FOXO1: variants seen among roughly 807,000 people sequenced by gnomAD.
FOXO1 encodes the protein forkhead box O1, also known as forkhead box protein O1.
A neutral mutation model predicts 44.1 loss-of-function variants in FOXO1; 6 were observed. That is an observed-to-expected ratio of 0.14 (90% CI 0.07 to 0.27). FOXO1 has a LOEUF of 0.27. Ranked by LOEUF, FOXO1 falls within the 10% of genes least tolerant of loss-of-function variation. The pLI, the probability that FOXO1 is intolerant of heterozygous loss-of-function variation, is 1.00. For missense variants in FOXO1, 737 were observed against 888.8 expected, an observed-to-expected ratio of 0.83 and a Z score of 2.17; for synonymous variants, 380 against 362.7, an observed-to-expected ratio of 1.05 and a Z score of -0.54.
At chr13:40,597,872 G>A (rs1875641149) in intron 1 of FOXO1, among the ~76,000 whole-genome samples, 1 of 152,152 alleles carries the variant, frequency 6.6e-6, no homozygotes, top group Non-Finnish European at 1.5e-5. Context: ...TGTGTGTCCA[G>A]TACTTCAGTC....
At chr13:40,573,490 A>C (rs908311180) in intron 1 of FOXO1, among the ~76,000 whole-genome samples, 3 of 152,198 alleles carry the variant, frequency 2.0e-5, no homozygotes, top group African/African-American at 7.2e-5. Context: ...GTCAGGTAGG[A>C]AAAAAGGGAT....
intron 1 of FOXO1, among the ~76,000 whole-genome samples, chr13:40,609,717 A>C (rs1024231635): frequency 6.6e-6 from 1 of 151,422 alleles, no homozygotes; most frequent in Non-Finnish European, 1.5e-5. Context: ...GTGGGGGGGA[A>C]AAAAATTCCT....
chr13:40,644,654 G>A (rs781645835), intron 1 of FOXO1, among the ~76,000 whole-genome samples: 1 of 152,076 alleles, frequency 6.6e-6, no homozygotes, highest in African/African-American at 2.4e-5. Flanking sequence ...TACAATTCCC[G>A]GTTTGATTGG....
At chr13:40,575,919 G>A (rs762395929) in intron 1 of FOXO1, among the ~76,000 whole-genome samples, 4 of 152,228 alleles carry the variant, frequency 2.6e-5, no homozygotes, top group Non-Finnish European at 5.9e-5. Flanking sequence ...TTGAGGTAGG[G>A]CAGAGCATGA....
At chr13:40,601,848 C>A (rs893929993) in intron 1 of FOXO1, among the ~76,000 whole-genome samples, 1 of 152,086 alleles carries the variant, frequency 6.6e-6, no homozygotes, top group Admixed American at 6.6e-5. Context: ...CACCAAAGAT[C>A]CCAGTTCAGA....
At chr13:40,614,180 C>A (rs1469377651) in intron 1 of FOXO1, among the ~76,000 whole-genome samples, 1 of 152,208 alleles carries the variant, frequency 6.6e-6, no homozygotes. Flanking sequence ...CAAGTCCACC[C>A]GGCCAGGCCA....
chr13:40,661,004 C>CA (rs1208665776), intron 1 of FOXO1, among the ~76,000 whole-genome samples: 1 of 151,950 alleles, frequency 6.6e-6, no homozygotes, highest in Non-Finnish European at 1.5e-5. Context: ...GAGAATCATT[C>CA]AAAAAGAGGC....
At chr13:40,561,618 T>G (rs1204349779) in intron 1 of FOXO1, among the ~76,000 whole-genome samples, 1 of 151,966 alleles carries the variant, frequency 6.6e-6, no homozygotes, top group Admixed American at 6.6e-5. Flanking sequence ...AGTTTTATAT[T>G]ACTGGGCCCA....
chr13:40,629,211 C>T (rs1457431373), intron 1 of FOXO1, among the ~76,000 whole-genome samples: 3 of 151,610 alleles, frequency 2.0e-5, no homozygotes, highest in Non-Finnish European at 4.4e-5. Flanking sequence ...GGTGCAATCT[C>T]GGCCCACTGC....
intron 1 of FOXO1, among the ~76,000 whole-genome samples, chr13:40,595,334 T>C (rs1382527062): frequency 3.3e-5 from 5 of 152,284 alleles, no homozygotes; most frequent in Admixed American, 3.3e-4. Flanking sequence ...TAAAAATCAG[T>C]GCTTCTCATA....
chr13:40,639,384 T>C (rs1007897355), intron 1 of FOXO1, among the ~76,000 whole-genome samples: 8 of 151,804 alleles, frequency 5.3e-5, no homozygotes, highest in South Asian at 2.1e-4. Context: ...CGCCTGTCAG[T>C]AGTCCAGAGC....
intron 1 of FOXO1, among the ~76,000 whole-genome samples, chr13:40,654,322 T>TAAAAAA (rs11344939): frequency 0.012 from 556 of 48,108 alleles, 38 homozygotes; most frequent in African/African-American, 0.035. Flanking sequence ...CTAAAAATAC[T>TAAAAAA]AAAAAAAAAA....
chr13:40,617,436 A>C (rs1175626979), intron 1 of FOXO1, among the ~76,000 whole-genome samples: 1 of 144,188 alleles, frequency 6.9e-6, no homozygotes, highest in Admixed American at 6.9e-5. Context: ...ACTCCGTCTC[A>C]AAAAAAAAAA....
chr13:40,563,735 T>A (rs1874144145), intron 1 of FOXO1, among the ~76,000 whole-genome samples: 1 of 151,866 alleles, frequency 6.6e-6, no homozygotes, highest in Admixed American at 6.6e-5. Context: ...TCCCCTAAGA[T>A]CCCCAAATTC....
Position 40,666,148 on chromosome 13 carries a change from G to A in FOXO1, c.65C>T (p.Ser22Leu), listed in dbSNP as rs1878240564. 2 of 1,461,620 alleles carry A rather than the reference G, an allele frequency of 1.4e-6. No individual in the cohort carries two copies. The highest frequency in any genetic ancestry group is 1.8e-6 in the Non-Finnish European group (2 of 1,109,986). 90.5% of individuals were successfully genotyped at this position (1,461,620 alleles called of 1,614,324 possible). Reference protein sequence around the residue: ...PDFEPLPRPRSCTWPLPRPEF... With the variant: ...PDFEPLPRPRLCTWPLPRPEF... ...CGGCCTGGGCAGCGGCCAGGTGCAC[G>A]AGCGCGGCCGGGGCAGCGGCTCGAA... The change falls in exon 1 of 3, where the codon TCG becomes TTG. Residue 22 changes from serine to leucine, a missense_variant. Physicochemically the swap from Ser to Leu is moderately radical, Grantham distance 145 (BLOSUM62 -2). This residue lies in a region of FOXO1 where 213 missense variants were observed against 236.4 expected (regional missense o/e 0.90). Coordinates refer to ENST00000379561, the MANE Select transcript of FOXO1 (RefSeq NM_002015.4).
chr13:40,587,474 T>C (rs532797387), intron 1 of FOXO1, among the ~76,000 whole-genome samples: 6 of 152,192 alleles, frequency 3.9e-5, no homozygotes, highest in Non-Finnish European at 8.8e-5. Context: ...TAAAGATTTA[T>C]CTTAATTTCA....
intron 1 of FOXO1, among the ~76,000 whole-genome samples, chr13:40,596,286 C>T (rs1470861666): frequency 2.0e-5 from 3 of 152,128 alleles, no homozygotes; most frequent in African/African-American, 7.2e-5. Context: ...GGGTCTGTGA[C>T]CATAAAGCAG....
intron 1 of FOXO1, among the ~76,000 whole-genome samples, chr13:40,586,591 A>G (rs1875177259): frequency 6.6e-6 from 1 of 152,180 alleles, no homozygotes; most frequent in African/African-American, 2.4e-5. Flanking sequence ...AAGGTACCAA[A>G]TGGGAAATAG....
chr13:40,653,500 G>A (rs1476744414), intron 1 of FOXO1, among the ~76,000 whole-genome samples: 1 of 152,166 alleles, frequency 6.6e-6, no homozygotes, highest in African/African-American at 2.4e-5. Context: ...CCGAAACACT[G>A]AGGAGACAAA....
Sources: allele counts gnomAD v4.1 joint callset (sites outside exome capture counted in the v4.1 genomes callset), GRCh38; gene constraint gnomAD v4.1.1; regional missense constraint gnomAD v4.1.1; transcripts MANE v1.5; gene names NCBI Gene and HGNC (gene_info 2026-07-23, HGNC 2026-07-21).